Variants in TALDO1 observed in about 807,000 individuals in gnomAD.
TALDO1 encodes the protein transaldolase 1.
A neutral mutation model predicts 38.1 loss-of-function variants in TALDO1; 29 were observed. The ratio of observed to expected loss-of-function variants is 0.76; its 90% CI spans 0.57 to 1.04. The LOEUF is 1.04. Among genes scored for constraint, TALDO1 ranks in the 50% least tolerant of loss-of-function variants. The pLI is 0.00. For missense variants in TALDO1, 499 were observed against 438.1 expected (o/e 1.14, Z -1.24); for synonymous variants, 207 against 176.8 (o/e 1.17, Z -1.36).
At chr11:760,086 G>A (rs775075143) in intron 3 of TALDO1, 36 bp from the exon 4 acceptor site, 13 of 1,612,652 alleles carry the variant, frequency 8.1e-6, no homozygotes, top group East Asian at 6.7e-5. Context: ...GGCAACCTGC[G>A]TGATCTGAGG....
rs2234021 is a variant in TALDO1, at chr11:755,949, C to T, written c.168C>T (p.Pro56=). The T allele has an allele frequency of 1.4e-4, 230 of 1,614,084 alleles. 3 individuals carry two copies. In the South Asian group the frequency reaches 2.3e-3, roughly 16 times the overall value. The change falls in exon 2 of 8, where the codon CCC becomes CCT. Residue 56 remains proline (P), a synonymous_variant. Coordinates refer to ENST00000319006, the MANE Select transcript of TALDO1 (RefSeq NM_006755.2). ...PSLILAAAQM[P]AYQELVEEAI... ...TGATCCTGGCCGCAGCACAGATGCC[C>T]GCTTACCAGGAGCTGGTGGAGGAGG... is the stretch of plus-strand genomic sequence containing the variant.
rs575140646 is a variant in TALDO1, at chr11:763,997, C to T, written c.835+53C>T. On this transcript the variant is annotated intron_variant, in intron 6 of 7. Coordinates refer to ENST00000319006, the MANE Select transcript of TALDO1 (RefSeq NM_006755.2). ...CCTGCTCGGGCAAGGCCAGCACTGC[C>T]GTGCCACGCTGCCCTGTGGGTGATC... is the stretch of plus-strand genomic sequence containing the variant. 1.5e-4 allele frequency: 234 copies of T among 1,586,048 alleles called. 1 individual carries two copies. In the Admixed American group the frequency reaches 3.5e-3, roughly 24 times the overall value.
Position 764,434 on chromosome 11 carries a change from G to A in TALDO1, c.981+1G>A, listed in dbSNP as rs1564994969. ...AGTGAAGCTGGAGCGGATGCTGACA[G>A]TGAGTGTTGTGTGTGGGTACCTACA... On this transcript the variant is annotated splice_donor_variant, in intron 7 of 7. Coordinates refer to ENST00000319006, the MANE Select transcript of TALDO1 (RefSeq NM_006755.2). LOFTEE classifies it high-confidence loss of function. The A allele has an allele frequency of 1.9e-6, 3 of 1,609,802 alleles. No homozygotes were observed. Among genetic ancestry groups the A allele is most frequent in the Non-Finnish European group, 2.5e-6 (3 of 1,177,164 alleles).
chr11:758,318 G>A (rs904083769), intron 2 of TALDO1, among the ~76,000 whole-genome samples: 3 of 151,984 alleles, frequency 2.0e-5, no homozygotes, highest in African/African-American at 7.2e-5. Flanking sequence ...ATAGAGGTGT[G>A]CAGCTGTAGT....
intron 2 of TALDO1, chr11:756,302 C>T (rs367918897): frequency 2.4e-6 from 1 of 410,214 alleles, no homozygotes; most frequent in African/African-American, 2.0e-5. Flanking sequence ...TGTAGTCAGT[C>T]TCCCCAGCTC....
chr11:755,435 C>T (rs1297971105), intron 1 of TALDO1, among the ~76,000 whole-genome samples: 2 of 152,160 alleles, frequency 1.3e-5, no homozygotes, highest in Admixed American at 6.6e-5. Flanking sequence ...TGGGCCGCCG[C>T]GCCCAGCTCC....
chr11:758,156 C>T (rs969393541), intron 2 of TALDO1, among the ~76,000 whole-genome samples: 2 of 152,058 alleles, frequency 1.3e-5, no homozygotes, highest in African/African-American at 4.8e-5. Flanking sequence ...CAGTGGCGGG[C>T]GCCTGTAGTC....
intron 5 of TALDO1, 35 bp downstream of exon 5, chr11:763,554 G>C: frequency 3.1e-6 from 5 of 1,611,746 alleles, no homozygotes; most frequent in Non-Finnish European, 4.2e-6. Context: ...GGTAAGGGGA[G>C]CAGCCTCAGC....
chr11:762,400 G>C (rs750047996), intron 4 of TALDO1, among the ~76,000 whole-genome samples: 1 of 152,074 alleles, frequency 6.6e-6, no homozygotes, highest in Non-Finnish European at 1.5e-5. Context: ...TCCATTTCTC[G>C]GGCTGTGATG....
intron 1 of TALDO1, among the ~76,000 whole-genome samples, chr11:748,805 CCCCCCCGTT>C (rs1464477969): frequency 6.6e-6 from 1 of 152,118 alleles, no homozygotes; most frequent in African/African-American, 2.4e-5. Context: ...ACACACACAG[CCCCCCCGTT>C]GTAGTCCAGA....
Position 765,009 on chromosome 11 carries a change from T to C in TALDO1, c.*164T>C. On this transcript the variant is annotated 3_prime_UTR_variant, in exon 8 of 8. Transcript: ENST00000319006. Reference sequence around the variant, plus strand: ...GCCTAATACATTAAAGCAGTCACTTTTCCTGTGCTGTTTCATTCACTGTCT... The same window carrying C: ...GCCTAATACATTAAAGCAGTCACTTCTCCTGTGCTGTTTCATTCACTGTCT... 2 of 893,336 alleles carry C rather than the reference T, an allele frequency of 2.2e-6. No homozygotes were observed. The highest frequency in any genetic ancestry group is 3.6e-6 in the Non-Finnish European group (2 of 560,560). 55.3% of individuals were successfully genotyped at this position (893,336 alleles called of 1,614,324 possible). A position where few individuals can be genotyped will look rare whatever the true frequency, so the allele number is the denominator to read the frequency against.
In TALDO1 at chr11:747,523, G is replaced by C; in HGVS notation, c.42G>C (p.Ala14=). ...TGAAGCGTCAGAGGATGGAGTCCGCGCTGGACCAGCTCAAGCAGTTCACCA... is the reference window on the plus strand; with the variant it reads ...TGAAGCGTCAGAGGATGGAGTCCGCCCTGGACCAGCTCAAGCAGTTCACCA... ...SPVKRQRMES[A]LDQLKQFTTV... The change falls in exon 1 of 8, where the codon GCG becomes GCC. Residue 14 remains alanine (A), a synonymous_variant. Transcript: ENST00000319006. 6.3e-7 allele frequency: 1 copy of C among 1,599,936 alleles called. No homozygotes were observed. Among genetic ancestry groups the C allele is most frequent in the Non-Finnish European group, 8.5e-7 (1 of 1,174,882 alleles).
At chr11:758,929 T>G in intron 2 of TALDO1, 21 bp from the exon 3 acceptor site, 1 of 1,532,674 alleles carries the variant, frequency 6.5e-7, no homozygotes, top group Non-Finnish European at 8.7e-7. Context: ...CTAACCTGCT[T>G]TTTTTCCCTT....
chr11:761,271 C>T lies in TALDO1; in HGVS notation c.461+1018C>T, dbSNP rs192473397. Among the ~76,000 whole-genome samples, 38 of 145,890 alleles carry T rather than the reference C, an allele frequency of 2.6e-4. 1 individual carries two copies. In the East Asian group the frequency reaches 3.6e-3, roughly 14 times the overall value. ...GAATCACTTCAACCTGGGAGGTGGA[C>T]GTTGCAGTGAGCCGAGATTGCACCA... On this transcript the variant is annotated intron_variant, in intron 4 of 7. Coordinates refer to ENST00000319006, the MANE Select transcript of TALDO1 (RefSeq NM_006755.2).
At chr11:764,567 G>A in intron 7 of TALDO1, 134 bp downstream of exon 7, 3 of 1,460,392 alleles carry the variant, frequency 2.1e-6, no homozygotes, top group Non-Finnish European at 2.8e-6. Flanking sequence ...CCAGCAAGTG[G>A]GGCCTGTTGA....
intron 4 of TALDO1, 107 bp from the exon 5 acceptor site, chr11:763,237 C>T (rs1295366055): frequency 8.7e-6 from 1 of 114,982 alleles, no homozygotes; most frequent in Non-Finnish European, 1.8e-5. Context: ...CCTCACCCGC[C>T]CCCGCCCTCA....
intron 4 of TALDO1, chr11:760,517 T>G: frequency 2.1e-6 from 1 of 475,950 alleles, no homozygotes; most frequent in Non-Finnish European, 3.8e-6. Context: ...GAAAAGCCAC[T>G]AGTTAGCACC....
intron 4 of TALDO1, 129 bp from the exon 5 acceptor site, chr11:763,214 CA>C: frequency 1.4e-5 from 2 of 143,820 alleles, no homozygotes; most frequent in Non-Finnish European, 2.9e-5. Flanking sequence ...GCCCCGCCCT[CA>C]CCTGCCCCCG....
Position 755,862 on chromosome 11 carries a change from G to T in TALDO1, c.98-17G>T, listed in dbSNP as rs778017196. The T allele has an allele frequency of 7.4e-6, 12 of 1,613,978 alleles. No homozygotes were observed. The African/African-American group carries it at 8.0e-5, about 11-fold the overall frequency. ...AAGTACTCCACTTACTTTGGCTTTT[G>T]AAAACTATTTCCCTAGCCATCGACG... On this transcript the variant is annotated splice_polypyrimidine_tract_variant and intron_variant, in intron 1 of 7. Transcript: ENST00000319006.
Sources: gnomAD v4.1 joint callset for allele counts (sites outside exome capture counted in the v4.1 genomes callset) on GRCh38, gnomAD v4.1.1 for gene constraint, MANE v1.5 for transcripts, NCBI Gene and HGNC (gene_info 2026-07-23, HGNC 2026-07-21) for gene names.